LPIN1: variants seen among roughly 807,000 people sequenced by gnomAD.
The protein encoded by LPIN1 is phosphatidate phosphatase LPIN1.
A neutral mutation model predicts 107.5 loss-of-function variants in LPIN1; 71 were observed. The ratio of observed to expected loss-of-function variants is 0.66; its 90% CI spans 0.55 to 0.80. The LOEUF (loss-of-function observed/expected upper bound fraction) is 0.80, where lower values mean the gene tolerates loss of function less well. LPIN1 is among the 30% of genes least tolerant of loss of function. The pLI is 0.00. For missense variants in LPIN1, 1,043 were observed against 1,160.6 expected (o/e 0.90, Z 1.47); for synonymous variants, 445 against 452.6 (o/e 0.98, Z 0.21).
chr2:11,712,878 T>C (rs56958924), intron 1 of LPIN1, among the ~76,000 whole-genome samples: 3,350 of 152,338 alleles, frequency 0.022, 133 homozygotes, highest in African/African-American at 0.076. Flanking sequence ...GACTACTGCA[T>C]ATGTCCTACC....
At chr2:11,752,432 C>CTTTTTTTTTTTTTTTTTTT (rs1354955148) in intron 1 of LPIN1, among the ~76,000 whole-genome samples, 5 of 82,634 alleles carry the variant, frequency 6.1e-5, no homozygotes, top group African/African-American at 3.9e-4. Context: ...GTTCCAAGGC[C>CTTTTTTTTTTTTTTTTTTT]ATTTTTTTTT....
At chr2:11,724,644 T>C in intron 1 of LPIN1, 1 of 985,202 alleles carries the variant, frequency 1.0e-6, no homozygotes, top group Non-Finnish European at 1.2e-6. Flanking sequence ...AAAGCTAAGG[T>C]AAAGGGCAGG....
chr2:11,725,073 A>G (rs1041451157), intron 1 of LPIN1, among the ~76,000 whole-genome samples: 4 of 152,130 alleles, frequency 2.6e-5, no homozygotes, highest in Non-Finnish European at 4.4e-5. Flanking sequence ...CATCCCGGCT[A>G]AAACAGTGAA....
chr2:11,686,215 G>C (rs925762384), intron 1 of LPIN1, among the ~76,000 whole-genome samples: 6 of 152,116 alleles, frequency 3.9e-5, no homozygotes, highest in African/African-American at 1.4e-4. Context: ...GTGAGCTTTG[G>C]CCTGTTCTGG....
chr2:11,728,528 A>G (rs988319058), intron 1 of LPIN1, among the ~76,000 whole-genome samples: 4 of 151,874 alleles, frequency 2.6e-5, no homozygotes, highest in African/African-American at 9.7e-5. Context: ...GGGACCACAG[A>G]TGCATGCCAC....
chr2:11,677,566 C>A, upstream of LPIN1: 2 of 1,070,474 alleles, frequency 1.9e-6, no homozygotes, highest in Admixed American at 2.0e-5. Flanking sequence ...CCCAGCCTCC[C>A]AGCTTCTGAG....
chr2:11,715,478 G>A (rs1347149894), intron 2 of LPIN1, among the ~76,000 whole-genome samples: 1 of 152,158 alleles, frequency 6.6e-6, no homozygotes, highest in Non-Finnish European at 1.5e-5. Flanking sequence ...CAAAATCTGG[G>A]CCATGGCTCT....
At chr2:11,811,621 T>C (rs899800788) in intron 17 of LPIN1, among the ~76,000 whole-genome samples, 3 of 152,216 alleles carry the variant, frequency 2.0e-5, no homozygotes, top group African/African-American at 7.2e-5. Flanking sequence ...TGTGAAGAGC[T>C]ATACATGGAA....
At chr2:11,818,231 A>G (rs1680924883) in intron 18 of LPIN1, 1 of 152,250 alleles carries the variant, frequency 6.6e-6, no homozygotes, top group South Asian at 2.1e-4. Flanking sequence ...AGTTTGATTG[A>G]AATTGCAGTG....
intron 14 of LPIN1, among the ~76,000 whole-genome samples, chr2:11,800,457 G>T (rs1211748647): frequency 6.6e-6 from 1 of 152,116 alleles, no homozygotes; most frequent in South Asian, 2.1e-4. Flanking sequence ...ACCCAGGCTG[G>T]AGTGCAATGG....
At chr2:11,808,506 T>C (rs1320563089) in intron 17 of LPIN1, among the ~76,000 whole-genome samples, 1 of 152,208 alleles carries the variant, frequency 6.6e-6, no homozygotes, top group Non-Finnish European at 1.5e-5. Flanking sequence ...GTTTGTGGAC[T>C]TTTTCCTGAT....
intron 1 of LPIN1, among the ~76,000 whole-genome samples, chr2:11,689,152 C>T (rs1351815858): frequency 6.6e-6 from 1 of 152,186 alleles, no homozygotes; most frequent in African/African-American, 2.4e-5. Flanking sequence ...CTCTCCATGC[C>T]AGGGCCCTAT....
chr2:11,811,878 A>C (rs948312923), intron 17 of LPIN1, among the ~76,000 whole-genome samples: 1 of 152,266 alleles, frequency 6.6e-6, no homozygotes, highest in African/African-American at 2.4e-5. Flanking sequence ...CCAGCTACTC[A>C]GGAGGCTGAG....
At chr2:11,767,540 T>C in intron 2 of LPIN1, 1 of 584,490 alleles carries the variant, frequency 1.7e-6, no homozygotes, top group Non-Finnish European at 3.1e-6. Context: ...CTGTTTTGGG[T>C]TCCATCTTTC....
chr2:11,773,506 A>T, intron 4 of LPIN1, 114 bp from the exon 5 acceptor site: 1 of 907,588 alleles, frequency 1.1e-6, no homozygotes, highest in Non-Finnish European at 1.8e-6. Context: ...CTGGGTGTTT[A>T]AAGAGATCAT....
chr2:11,758,146 C>G (rs939845496), intron 1 of LPIN1, among the ~76,000 whole-genome samples: 2 of 152,106 alleles, frequency 1.3e-5, no homozygotes, highest in Non-Finnish European at 2.9e-5. Context: ...ATGGATGGAC[C>G]GCATTTTGCT....
At position 11,697,507 on chromosome 2, in the gene LPIN1, G is replaced by A. The variant is rs1315852073; in HGVS notation, c.82-16249G>A. Among the ~76,000 whole-genome samples, 1 of 152,370 alleles carries A rather than the reference G, an allele frequency of 6.6e-6. No homozygotes were observed. The highest frequency in any genetic ancestry group is 2.1e-4 in the South Asian group (1 of 4,832). On this transcript the variant is annotated intron_variant, in intron 1 of 21. Transcript: ENST00000449576. This position sits in a 1 kb window ranked among gnomAD's most constrained non-coding sequence, Gnocchi z 4.6. Reference sequence around the variant, plus strand: ...GGAAGTCTGCCCGAATCTGTGCGTCGTGTCTTGGGAATTCATCCCTTCCTC... The same window carrying A: ...GGAAGTCTGCCCGAATCTGTGCGTCATGTCTTGGGAATTCATCCCTTCCTC...
At chr2:11,795,652 A>G (rs1320834759) in intron 14 of LPIN1, among the ~76,000 whole-genome samples, 165 bp downstream of exon 14, 2 of 152,252 alleles carry the variant, frequency 1.3e-5, no homozygotes, top group African/African-American at 4.8e-5. Flanking sequence ...TCCCATGAGC[A>G]AAATGCATGC....
rs1487717396 is a variant in LPIN1 at position 11,759,133 on chromosome 2, T to TTTCCTTTC, written c.-9-6398_-9-6397insCCTTTCTT. On this transcript the variant is annotated intron_variant, in intron 1 of 20. Coordinates refer to ENST00000674199, the MANE Select transcript of LPIN1 (RefSeq NM_001349206.2). ...TGAGCTAGCTAGCTTGCTTTCTTTC[T>TTTCCTTTC]TTTCTTTCTTTCTTTCTTTCTTTCT... Among the ~76,000 whole-genome samples, 4 of 131,640 alleles carry TTTCCTTTC rather than the reference T, an allele frequency of 3.0e-5. No homozygotes were observed. The East Asian group carries it at 6.6e-4, about 22-fold the overall frequency. The allele number at this position is 131,640 out of a possible 152,430, so 86.4% of individuals were successfully genotyped here. A position where few individuals can be genotyped will look rare whatever the true frequency, so the allele number is the denominator to read the frequency against.
Sources: gnomAD v4.1 joint callset for allele counts (sites outside exome capture counted in the v4.1 genomes callset) on GRCh38, gnomAD v4.1.1 for gene constraint, Gnocchi (gnomAD v3.1) non-coding constraint, MANE v1.5 for transcripts, NCBI Gene and HGNC (gene_info 2026-07-23, HGNC 2026-07-21) for gene names.